Variants in CUX2 observed in about 807,000 individuals in gnomAD.
The protein encoded by CUX2 is cut like homeobox 2, also known as homeobox protein cut-like 2.
A neutral mutation model predicts 144.8 loss-of-function variants in CUX2; 40 were observed. The ratio of observed to expected loss-of-function variants is 0.28; its 90% CI spans 0.21 to 0.36. CUX2 has a LOEUF of 0.36. Among genes scored for constraint, CUX2 ranks in the 10% least tolerant of loss-of-function variants. CUX2 has a pLI of 1.00. For synonymous variants in CUX2, 827 were observed against 875.6 expected (o/e 0.94, Z 0.98); for missense variants, 1,615 against 1,994.0 (o/e 0.81, Z 3.62).
intron 10 of CUX2, among the ~76,000 whole-genome samples, chr12:111,305,507 C>A (rs1208681680): frequency 1.3e-5 from 2 of 152,072 alleles, no homozygotes; most frequent in Middle Eastern, 3.2e-3. Context: ...CTCATCTGTA[C>A]AATTAACATC....
chr12:111,335,831 A>G (rs1189350989), intron 19 of CUX2, among the ~76,000 whole-genome samples: 1 of 152,168 alleles, frequency 6.6e-6, no homozygotes, highest in Non-Finnish European at 1.5e-5. Context: ...GCACGAGCCC[A>G]GGAATTCAAG....
rs1273671689 is a variant in CUX2, at chr12:111,198,141, G to A, written c.64-16059G>A. 3.3e-5 allele frequency among the ~76,000 whole-genome samples: 5 copies of A among 151,986 alleles called. No individual in the cohort carries two copies. In the East Asian group the frequency reaches 5.8e-4, roughly 18 times the overall value. ...TTTTCATACTCATTATTGTCATTCC[G>A]TGGGCAGAGAAACTTGGTGAGGTGA... On this transcript the variant is annotated intron_variant, in intron 1 of 21. Coordinates refer to ENST00000261726, the MANE Select transcript of CUX2 (RefSeq NM_015267.4).
At chr12:111,196,458 C>T (rs1880249346) in intron 1 of CUX2, among the ~76,000 whole-genome samples, 1 of 152,164 alleles carries the variant, frequency 6.6e-6, no homozygotes, top group Non-Finnish European at 1.5e-5. Flanking sequence ...TGTTGCATTC[C>T]CACCAGCAGT....
chr12:111,205,914 G>A (rs1880896033), intron 1 of CUX2, among the ~76,000 whole-genome samples: 1 of 152,180 alleles, frequency 6.6e-6, no homozygotes, highest in Admixed American at 6.5e-5. Context: ...TGCCTACTGT[G>A]TATCAGGAAC....
Position 111,322,663 on chromosome 12 carries a change from G to C in CUX2, c.2926+83G>C, listed in dbSNP as rs768856667. The C allele has an allele frequency of 6.6e-7, 1 of 1,507,932 alleles. No homozygotes were observed. Among genetic ancestry groups the C allele is most frequent in the Non-Finnish European group, 8.9e-7 (1 of 1,119,020 alleles). The allele number at this position is 1,507,932 out of a possible 1,614,324, so 93.4% of individuals were successfully genotyped here. A position where few individuals can be genotyped will look rare whatever the true frequency, so the allele number is the denominator to read the frequency against. On this transcript the variant is annotated intron_variant, in intron 18 of 21. Transcript: ENST00000261726. This position sits in a 1 kb window ranked among gnomAD's most constrained non-coding sequence, Gnocchi z 4.2. The stretch of plus-strand genomic sequence containing the variant: ...GCATGTCCGCCTGGCTTTACTGCCC[G>C]AGTCTACCTATCTCTCCCTCCCTGC...
chr12:111,141,832 C>A (rs1245241425), intron 1 of CUX2, among the ~76,000 whole-genome samples: 2 of 152,228 alleles, frequency 1.3e-5, no homozygotes, highest in Non-Finnish European at 2.9e-5. Context: ...CGCCTATAAT[C>A]CCAGCACTTT....
Position 111,304,985 on chromosome 12 carries a change from T to C in CUX2, c.858+671T>C, listed in dbSNP as rs961976952. On this transcript the variant is annotated intron_variant, in intron 10 of 21. Coordinates refer to ENST00000261726, the MANE Select transcript of CUX2 (RefSeq NM_015267.4). The surrounding 1 kb of genome is among the most constrained non-coding windows in gnomAD (Gnocchi z 4.7). ...AGGGGGATTTCCCACCCCAGCCACA[T>C]GCTATGAAGAGCCAGTCTTCGGTGA... Among the ~76,000 whole-genome samples the C allele has an allele frequency of 6.6e-6, 1 of 152,208 alleles. No homozygotes were observed. The highest frequency in any genetic ancestry group is 2.1e-4 in the South Asian group (1 of 4,836).
At position 111,320,848 on chromosome 12, in the gene CUX2, C is replaced by T. The variant is rs1325607267; in HGVS notation, c.2766+73C>T. 9 of 1,389,696 alleles carry T rather than the reference C, an allele frequency of 6.5e-6. No homozygotes were observed. The highest frequency in any genetic ancestry group is 7.5e-6 in the Non-Finnish European group (8 of 1,072,078). 86.1% of individuals were successfully genotyped at this position (1,389,696 alleles called of 1,614,324 possible). On this transcript the variant is annotated intron_variant, in intron 17 of 21. Coordinates refer to ENST00000261726, the MANE Select transcript of CUX2 (RefSeq NM_015267.4). The surrounding 1 kb of genome is among the most constrained non-coding windows in gnomAD (Gnocchi z 8.1). ...CGGAGAAGTAGGATGCCCACCCAAGCAGGCTGGCGGGACCCCAGGGGCCCA... is the reference window on the plus strand; with the variant it reads ...CGGAGAAGTAGGATGCCCACCCAAGTAGGCTGGCGGGACCCCAGGGGCCCA...
chr12:111,276,676 C>T (rs759837642), intron 4 of CUX2, among the ~76,000 whole-genome samples: 20 of 148,114 alleles, frequency 1.4e-4, no homozygotes, highest in Non-Finnish European at 2.4e-4. Context: ...TGTTTTGAGA[C>T]GGAGCCTCAC....
chr12:111,126,889 A>G (rs1875118743), intron 1 of CUX2, among the ~76,000 whole-genome samples: 1 of 152,182 alleles, frequency 6.6e-6, no homozygotes, highest in African/African-American at 2.4e-5. Flanking sequence ...AATGTGATAC[A>G]ACTATCCTGT....
intron 1 of CUX2, among the ~76,000 whole-genome samples, chr12:111,162,569 A>T (rs1288819500): frequency 6.6e-6 from 1 of 152,214 alleles, no homozygotes; most frequent in Non-Finnish European, 1.5e-5. Flanking sequence ...CACAGCGATG[A>T]TGGGACAGTG....
At chr12:111,206,673 A>T (rs773366435) in intron 1 of CUX2, among the ~76,000 whole-genome samples, 2 of 152,190 alleles carry the variant, frequency 1.3e-5, no homozygotes, top group Non-Finnish European at 2.9e-5. Flanking sequence ...GATTAGTTGG[A>T]TGGTTGATTG....
chr12:111,305,017 C>G (rs1283385416), intron 10 of CUX2, among the ~76,000 whole-genome samples: 1 of 152,206 alleles, frequency 6.6e-6, no homozygotes, highest in Non-Finnish European at 1.5e-5. Context: ...GTGATCAACC[C>G]TGAGGTTCTT....
intron 3 of CUX2, among the ~76,000 whole-genome samples, chr12:111,240,914 G>C (rs535187685): frequency 6.6e-6 from 1 of 152,306 alleles, no homozygotes; most frequent in Admixed American, 6.5e-5. Flanking sequence ...ATGCCAACCA[G>C]CCCCATGTCA....
In CUX2 at chr12:111,322,714, G is replaced by A; in HGVS notation, c.2926+134G>A. 2 of 1,170,164 alleles carry A rather than the reference G, an allele frequency of 1.7e-6. No homozygotes were observed. Among genetic ancestry groups the A allele is most frequent in the Middle Eastern group, 2.7e-4 (1 of 3,724 alleles). The allele number at this position is 1,170,164 out of a possible 1,614,324, so 72.5% of individuals were successfully genotyped here. On this transcript the variant is annotated intron_variant, in intron 18 of 21. Transcript: ENST00000261726. This position sits in a 1 kb window ranked among gnomAD's most constrained non-coding sequence, Gnocchi z 4.2. ...TGCCCTGGCTTTCATCCCAGTCACT[G>A]TCATGGCTGCACTGGAACATGGCGG... is the stretch of plus-strand genomic sequence containing the variant.
intron 1 of CUX2, among the ~76,000 whole-genome samples, chr12:111,067,510 A>T (rs1871070699): frequency 6.6e-6 from 1 of 152,216 alleles, no homozygotes; most frequent in Non-Finnish European, 1.5e-5. Flanking sequence ...GTTTGATTAC[A>T]GGAGCCCAAC....
intron 1 of CUX2, among the ~76,000 whole-genome samples, chr12:111,213,127 A>G (rs574502536): frequency 6.6e-6 from 1 of 152,328 alleles, no homozygotes; most frequent in African/African-American, 2.4e-5. Context: ...TTATTGCATC[A>G]CCGGATTTAG....
intron 3 of CUX2, among the ~76,000 whole-genome samples, chr12:111,233,597 C>G (rs901542696): frequency 6.6e-6 from 1 of 151,796 alleles, no homozygotes; most frequent in Non-Finnish European, 1.5e-5. Context: ...TGGGAGGGGG[C>G]GGGGGAGCAA....
chr12:111,153,003 C>T (rs536143840), intron 1 of CUX2, among the ~76,000 whole-genome samples: 2 of 152,326 alleles, frequency 1.3e-5, no homozygotes, highest in Admixed American at 6.5e-5. Context: ...TCAGGAACCC[C>T]GCAAAACAGT....
Sources: allele counts gnomAD v4.1 joint callset (sites outside exome capture counted in the v4.1 genomes callset), GRCh38; gene constraint gnomAD v4.1.1; non-coding constraint Gnocchi (gnomAD v3.1); transcripts MANE v1.5; gene names NCBI Gene and HGNC (gene_info 2026-07-23, HGNC 2026-07-21).